Variants in MKLN1 observed in about 807,000 individuals in gnomAD.
The protein encoded by MKLN1 is muskelin 1, also known as muskelin.
A neutral mutation model predicts 99.0 loss-of-function variants in MKLN1; 18 were observed. That is an observed-to-expected ratio of 0.18 (90% CI 0.13 to 0.27). The LOEUF is 0.27. MKLN1 is among the 10% of genes least tolerant of loss of function. MKLN1 has a pLI of 1.00. For missense variants in MKLN1, 621 were observed against 875.9 expected (o/e 0.71, Z 3.67); for synonymous variants, 288 against 293.2 (o/e 0.98, Z 0.18).
At chr7:131,470,709 TA>T in intron 15 of MKLN1, 132 bp from the exon 16 acceptor site, 2 of 653,702 alleles carry the variant, frequency 3.1e-6, no homozygotes, top group Non-Finnish European at 5.3e-6. Context: ...TCTGGATTCC[TA>T]AACTGACATT....
rs1309260428 is a variant in MKLN1, at chr7:131,156,466, A to AG, written c.-297+13525_-297+13526insG. On this transcript the variant is annotated intron_variant, in intron 2 of 7. Coordinates refer to the MKLN1 transcript ENST00000416992. ...CTGTCTCAAAAAAAAAAAAAAAAAAAAAAAGAAAAGTGACAGGCATTCAGC... is the reference window on the plus strand; with the variant it reads ...CTGTCTCAAAAAAAAAAAAAAAAAAAGAAAAGAAAAGTGACAGGCATTCAGC... Among the ~76,000 whole-genome samples the AG allele has an allele frequency of 3.7e-4, 56 of 151,354 alleles. 1 individual carries two copies. The highest frequency in any genetic ancestry group is 7.2e-4 in the Non-Finnish European group (49 of 67,752).
chr7:131,470,900 C>A lies in MKLN1; in HGVS notation c.1987C>A (p.Leu663Ile). 6.2e-7 allele frequency: 1 copy of A among 1,613,004 alleles called. No homozygotes were observed. Among genetic ancestry groups the A allele is most frequent in the Non-Finnish European group, 8.5e-7 (1 of 1,179,288 alleles). ...TGCTCTGAAATATTTACAAAATGAT[C>A]TTTATATAACTGTGGATCATTCAGA... is the stretch of plus-strand genomic sequence containing the variant. Reference protein sequence around the residue: ...LSALKYLQNDLYITVDHSDPE... With the variant: ...LSALKYLQNDIYITVDHSDPE... The change falls in exon 16 of 18, where the codon CTT becomes ATT. Residue 663 changes from leucine (L) to isoleucine (I), a missense_variant. Physicochemically the swap from Leu to Ile is conservative, Grantham distance 5. This residue lies in a region of MKLN1 where 126 missense variants were observed against 157.4 expected (regional missense o/e 0.80). Coordinates refer to ENST00000352689, the MANE Select transcript of MKLN1 (RefSeq NM_013255.5).
At chr7:131,392,382 G>C (rs940675373) in intron 4 of MKLN1, among the ~76,000 whole-genome samples, 1 of 152,102 alleles carries the variant, frequency 6.6e-6, no homozygotes, top group Non-Finnish European at 1.5e-5. Context: ...GTTCCAGGAA[G>C]CCCTTTAGGA....
chr7:131,302,623 T>C (rs1798392757), intron 3 of MKLN1, among the ~76,000 whole-genome samples: 3 of 152,218 alleles, frequency 2.0e-5, no homozygotes, highest in African/African-American at 7.2e-5. Flanking sequence ...AGCTGAGTGG[T>C]GTTCAGACAT....
chr7:131,218,384 C>T (rs1046743226), intron 3 of MKLN1, among the ~76,000 whole-genome samples: 2 of 152,104 alleles, frequency 1.3e-5, no homozygotes, highest in African/African-American at 4.8e-5. Flanking sequence ...ACAATTCTAA[C>T]CTTGTGGACT....
chr7:131,210,104 T>C (rs1467170301), intron 3 of MKLN1, among the ~76,000 whole-genome samples: 1 of 152,226 alleles, frequency 6.6e-6, no homozygotes, highest in South Asian at 2.1e-4. Context: ...TCAGGAGTAC[T>C]CTTCTAACCA....
At chr7:131,482,958 G>A (rs1467112726) in intron 17 of MKLN1, among the ~76,000 whole-genome samples, 4 of 152,222 alleles carry the variant, frequency 2.6e-5, no homozygotes, top group Non-Finnish European at 4.4e-5. Flanking sequence ...CCCAGGCATA[G>A]TGCTAGTGAA....
chr7:131,237,275 A>G (rs1400738451), intron 3 of MKLN1, among the ~76,000 whole-genome samples: 2 of 152,184 alleles, frequency 1.3e-5, no homozygotes, highest in Non-Finnish European at 2.9e-5. Flanking sequence ...TTACATTCCC[A>G]TACTCCTATG....
chr7:131,158,708 G>A (rs1353240566), intron 2 of MKLN1, among the ~76,000 whole-genome samples: 1 of 152,098 alleles, frequency 6.6e-6, no homozygotes, highest in African/African-American at 2.4e-5. Flanking sequence ...TTTATGAAAA[G>A]GACTGAGCAC....
chr7:131,419,299 G>A (rs1795123245), intron 8 of MKLN1, among the ~76,000 whole-genome samples: 1 of 138,906 alleles, frequency 7.2e-6, no homozygotes, highest in Admixed American at 7.5e-5. Flanking sequence ...TGCCCAGGCT[G>A]GAGTGCAGTG....
At chr7:131,190,556 G>A (rs1278752592) in intron 2 of MKLN1, among the ~76,000 whole-genome samples, 1 of 151,732 alleles carries the variant, frequency 6.6e-6, no homozygotes, top group African/African-American at 2.4e-5. Context: ...CAGGTTTATA[G>A]AGACTATTTT....
chr7:131,110,124 G>T (rs1247414427), upstream of MKLN1: 8 of 245,222 alleles, frequency 3.3e-5, no homozygotes, highest in East Asian at 1.1e-3. Flanking sequence ...CGAAGGGCTA[G>T]AGGCAAACAC....
chr7:131,162,561 T>C (rs1415137075), intron 2 of MKLN1, among the ~76,000 whole-genome samples: 1 of 152,220 alleles, frequency 6.6e-6, no homozygotes, highest in Non-Finnish European at 1.5e-5. Context: ...AACAGTATTA[T>C]ATAAAATTAC....
At chr7:131,136,368 T>C (rs889960336) in intron 1 of MKLN1, among the ~76,000 whole-genome samples, 1 of 152,220 alleles carries the variant, frequency 6.6e-6, no homozygotes, top group Non-Finnish European at 1.5e-5. Flanking sequence ...AAAAATGTTA[T>C]ATTGAAATAA....
chr7:131,115,709 T>C (rs529297368), intron 1 of MKLN1, among the ~76,000 whole-genome samples: 1 of 152,230 alleles, frequency 6.6e-6, no homozygotes, highest in South Asian at 2.1e-4. Context: ...ACACCAGCCT[T>C]ATTTCTCTTC....
At chr7:131,480,328 G>A (rs1797087715) in intron 17 of MKLN1, among the ~76,000 whole-genome samples, 1 of 151,966 alleles carries the variant, frequency 6.6e-6, no homozygotes, top group Non-Finnish European at 1.5e-5. Context: ...TAACACTTTG[G>A]GATATCAATT....
At chr7:131,264,882 A>G (rs2116544153) in intron 3 of MKLN1, among the ~76,000 whole-genome samples, 1 of 152,242 alleles carries the variant, frequency 6.6e-6, no homozygotes, top group East Asian at 1.9e-4. Context: ...TCTGTCACCC[A>G]GGCTGTAGTG....
intron 3 of MKLN1, among the ~76,000 whole-genome samples, chr7:131,246,326 C>T (rs1476524104): frequency 6.6e-6 from 1 of 152,102 alleles, no homozygotes; most frequent in East Asian, 1.9e-4. Flanking sequence ...GTCTTCACCC[C>T]CAGCCAGGGG....
chr7:131,281,127 A>G (rs1798044115), intron 3 of MKLN1, among the ~76,000 whole-genome samples: 2 of 151,818 alleles, frequency 1.3e-5, no homozygotes, highest in South Asian at 4.2e-4. Flanking sequence ...ATCCAAGGTC[A>G]TGAACATTTA....
Sources: allele counts gnomAD v4.1 joint callset (sites outside exome capture counted in the v4.1 genomes callset), GRCh38; gene constraint gnomAD v4.1.1; regional missense constraint gnomAD v4.1.1; transcripts MANE v1.5; gene names NCBI Gene and HGNC (gene_info 2026-07-23, HGNC 2026-07-21).